Variants in KLF8 observed in about 807,000 individuals in gnomAD.
The protein encoded by KLF8 is KLF transcription factor 8, also known as Krueppel-like factor 8.
Under a neutral mutation model 18.2 loss-of-function variants are expected in KLF8, and 10 were observed. The ratio of observed to expected loss-of-function variants is 0.55; its 90% confidence interval spans 0.34 to 0.93. KLF8 has a LOEUF of 0.93. Among genes scored for constraint, KLF8 ranks in the 40% least tolerant of loss-of-function variants. The pLI is 0.02. For synonymous variants in KLF8, 109 were observed against 97.3 expected (o/e 1.12, Z -0.71); for missense variants, 264 against 277.9 (o/e 0.95, Z 0.36).
the KLF8 span, among the ~76,000 whole-genome samples, chrX:56,042,491 C>T: frequency 9.0e-6 from 1 of 111,283 alleles, no homozygotes; most frequent in Non-Finnish European, 1.9e-5. Flanking sequence ...TCTTTTAGGT[C>T]TCTAATAAGT....
chrX:56,106,054 C>T, the KLF8 span, among the ~76,000 whole-genome samples: 1 of 111,719 alleles, frequency 9.0e-6, no homozygotes, highest in Admixed American at 9.5e-5. Flanking sequence ...CCCCCACTCT[C>T]TTCTGGCTTA....
chrX:56,160,397 T>C, the KLF8 span, among the ~76,000 whole-genome samples: 1 of 111,801 alleles, frequency 8.9e-6, no homozygotes, highest in Non-Finnish European at 1.9e-5. Context: ...TGTAGATATC[T>C]ATTAGGTCCG....
intron 5 of KLF8, among the ~76,000 whole-genome samples, chrX:56,270,579 A>G (rs2067043774): frequency 9.0e-6 from 1 of 111,050 alleles, no homozygotes; most frequent in Non-Finnish European, 1.9e-5. Context: ...CTGGCCTAGG[A>G]AAACACTAAA....
the KLF8 span, chrX:55,962,402 G>T: frequency 8.6e-6 from 2 of 232,269 alleles, no homozygotes; most frequent in Admixed American, 5.3e-5. Flanking sequence ...CATGGTAGAA[G>T]ATGGCCACAT....
the KLF8 span, among the ~76,000 whole-genome samples, chrX:55,925,022 AT>A: frequency 2.0e-3 from 169 of 86,395 alleles, no homozygotes; most frequent in Middle Eastern, 0.012. Context: ...CGCCCAGCTA[AT>A]TTTTTTTTTT....
chrX:56,160,844 A>T, the KLF8 span, among the ~76,000 whole-genome samples: 2 of 110,944 alleles, frequency 1.8e-5, no homozygotes, highest in African/African-American at 6.6e-5. Flanking sequence ...TCTTTATCCA[A>T]TTTGCCAGTC....
chrX:55,984,370 G>C, the KLF8 span, among the ~76,000 whole-genome samples: 1 of 111,443 alleles, frequency 9.0e-6, no homozygotes, highest in Non-Finnish European at 1.9e-5. Flanking sequence ...TTGGCTTTCT[G>C]TTCCTGCATT....
the KLF8 span, among the ~76,000 whole-genome samples, chrX:56,072,344 AAAC>A: frequency 3.7e-4 from 41 of 112,043 alleles, no homozygotes; most frequent in South Asian, 1.8e-3. Context: ...CTCCAAGAAT[AAAC>A]AACAATAACT....
At chrX:56,077,573 C>T in the KLF8 span, among the ~76,000 whole-genome samples, 2 of 111,930 alleles carry the variant, frequency 1.8e-5, no homozygotes, top group East Asian at 5.6e-4. Flanking sequence ...AGTCAGGTAG[C>T]GTGATGCCTC....
the KLF8 span, among the ~76,000 whole-genome samples, chrX:56,074,157 T>G: frequency 8.9e-6 from 1 of 112,278 alleles, no homozygotes; most frequent in Non-Finnish European, 1.9e-5. Context: ...TGTTATTAAA[T>G]TGTAGGTATT....
At chrX:56,027,409 G>A in the KLF8 span, among the ~76,000 whole-genome samples, 3 of 111,869 alleles carry the variant, frequency 2.7e-5, no homozygotes, top group African/African-American at 6.5e-5. Context: ...AGAATTTCTT[G>A]TTGATATTTT....
the KLF8 span, among the ~76,000 whole-genome samples, chrX:56,048,868 G>T: frequency 4.5e-5 from 5 of 111,353 alleles, no homozygotes; most frequent in Non-Finnish European, 9.4e-5. Context: ...CAGTATGGCC[G>T]TTTTCATGAT....
chrX:56,082,130 C>G, the KLF8 span, among the ~76,000 whole-genome samples: 1 of 111,691 alleles, frequency 9.0e-6, no homozygotes, highest in Admixed American at 9.5e-5. Flanking sequence ...AAGCTCCTTA[C>G]TGGTTATAGA....
chrX:56,175,996 C>A, the KLF8 span, among the ~76,000 whole-genome samples: 1 of 111,747 alleles, frequency 8.9e-6, no homozygotes, highest in African/African-American at 3.3e-5. Flanking sequence ...TGTGTCTCTG[C>A]ATGTGAGATG....
the KLF8 span, among the ~76,000 whole-genome samples, chrX:56,047,581 C>A: frequency 9.0e-6 from 1 of 110,724 alleles, no homozygotes; most frequent in African/African-American, 3.3e-5. Context: ...CATGCCCCTA[C>A]AAAGGACATG....
chrX:56,269,823 G>A lies in KLF8; in HGVS notation c.758+334G>A, dbSNP rs777418045. Among the ~76,000 whole-genome samples the A allele has an allele frequency of 3.1e-4, 35 of 111,880 alleles. 1 individual carries two copies. Among genetic ancestry groups the A allele is most frequent in the Admixed American group, 1.3e-3 (14 of 10,552 alleles). ...TGTCTTTCAATATTGAAACTAATTG[G>A]AAGTAGTTGGCTTGTGTTTAGCAAC... On this transcript the variant is annotated intron_variant, in intron 4 of 5. Transcript: ENST00000468660.
chrX:55,993,504 T>G, the KLF8 span, among the ~76,000 whole-genome samples: 1 of 112,126 alleles, frequency 8.9e-6, no homozygotes, highest in African/African-American at 3.2e-5. Context: ...TGTGGACTGC[T>G]AGTATTTTGT....
chrX:55,920,435 C>T, the KLF8 span, among the ~76,000 whole-genome samples: 7 of 110,984 alleles, frequency 6.3e-5, no homozygotes, highest in East Asian at 1.4e-3. Flanking sequence ...CTTTGAACTG[C>T]GAGAAAAAGA....
the KLF8 span, among the ~76,000 whole-genome samples, chrX:56,211,489 C>T: frequency 8.9e-6 from 1 of 112,353 alleles, no homozygotes; most frequent in Non-Finnish European, 1.9e-5. Context: ...CAAGCTACTA[C>T]AGCACTGGGT....
Sources: allele counts gnomAD v4.1 joint callset (sites outside exome capture counted in the v4.1 genomes callset), GRCh38; gene constraint gnomAD v4.1.1; transcripts MANE v1.5; gene names NCBI Gene and HGNC (gene_info 2026-07-23, HGNC 2026-07-21).